Variants in LAMA2 observed in about 807,000 individuals in gnomAD.
The protein encoded by LAMA2 is laminin subunit alpha-2.
Under a neutral mutation model 364.8 loss-of-function variants are expected in LAMA2, and 269 were observed. That is an observed-to-expected ratio of 0.74 (90% confidence interval 0.67 to 0.82). LAMA2 has a LOEUF of 0.82. Among genes scored for constraint, LAMA2 ranks in the 40% least tolerant of loss-of-function variants. The probability of loss-of-function intolerance (pLI) is 0.00; values close to 1 mark genes in which losing one functional copy is unlikely to be tolerated. For synonymous variants in LAMA2, 1,379 were observed against 1,370.6 expected, an observed-to-expected ratio of 1.01 and a Z score of -0.14; for missense variants, 3,807 against 3,873.2, an observed-to-expected ratio of 0.98 and a Z score of 0.45.
intron 1 of LAMA2, among the ~76,000 whole-genome samples, chr6:128,943,168 A>T (rs565453421): frequency 6.6e-6 from 1 of 152,046 alleles, no homozygotes; most frequent in Non-Finnish European, 1.5e-5. Context: ...GTGTGTGTGT[A>T]TATATATAAA....
chr6:128,979,313 G>A (rs1014418634), intron 1 of LAMA2, among the ~76,000 whole-genome samples: 15 of 152,066 alleles, frequency 9.9e-5, no homozygotes, highest in Admixed American at 7.9e-4. Flanking sequence ...CAATGTCTCC[G>A]TTTGAACTAG....
At chr6:129,394,027 C>T (rs1779470582) in intron 37 of LAMA2, among the ~76,000 whole-genome samples, 1 of 152,192 alleles carries the variant, frequency 6.6e-6, no homozygotes, top group African/African-American at 2.4e-5. Flanking sequence ...AGAACTAAAA[C>T]AGATTCCTCC....
intron 1 of LAMA2, among the ~76,000 whole-genome samples, chr6:128,906,853 T>C (rs1335543533): frequency 6.6e-6 from 1 of 151,138 alleles, no homozygotes; most frequent in Non-Finnish European, 1.5e-5. Flanking sequence ...TTTCTACATA[T>C]GGCTAGCCAG....
chr6:129,081,018 T>A (rs6922430), intron 3 of LAMA2, among the ~76,000 whole-genome samples: 30,629 of 151,992 alleles, frequency 0.2, 4,462 homozygotes, highest in African/African-American at 0.41. Flanking sequence ...GATAGACTGG[T>A]TTAAGAAAAT....
At chr6:129,105,369 C>T (rs532430243) in intron 4 of LAMA2, among the ~76,000 whole-genome samples, 1 of 152,262 alleles carries the variant, frequency 6.6e-6, no homozygotes, top group Admixed American at 6.5e-5. Context: ...ACAAGAACTG[C>T]CACTTGGAAG....
chr6:129,184,080 T>C lies in LAMA2; in HGVS notation c.1468-6125T>C, dbSNP rs540587915. ...AGTATAACCATAAATACCTACTGGATTACTTTTTGTTGTTGTTTATATTGC... is the reference window on the plus strand; with the variant it reads ...AGTATAACCATAAATACCTACTGGACTACTTTTTGTTGTTGTTTATATTGC... On this transcript the variant is annotated intron_variant, in intron 10 of 64. Coordinates refer to ENST00000421865, the MANE Select transcript of LAMA2 (RefSeq NM_000426.4). Among the ~76,000 whole-genome samples the C allele has an allele frequency of 2.7e-4, 41 of 152,102 alleles. No homozygotes were observed. In the East Asian group the frequency reaches 7.7e-3, roughly 29 times the overall value.
At chr6:129,094,010 T>G (rs1028309307) in intron 3 of LAMA2, among the ~76,000 whole-genome samples, 4 of 152,194 alleles carry the variant, frequency 2.6e-5, no homozygotes, top group Non-Finnish European at 4.4e-5. Flanking sequence ...TTATAACTAC[T>G]GATTTTGAAG....
chr6:129,369,346 C>G (rs1382346093), intron 33 of LAMA2, among the ~76,000 whole-genome samples: 3 of 152,072 alleles, frequency 2.0e-5, no homozygotes, highest in Non-Finnish European at 4.4e-5. Context: ...TATTTATGTT[C>G]CATAGGAAAA....
chr6:129,222,777 A>G (rs1583284501), intron 12 of LAMA2, among the ~76,000 whole-genome samples: 1 of 152,088 alleles, frequency 6.6e-6, no homozygotes, highest in Non-Finnish European at 1.5e-5. Context: ...AGTCTTTGCT[A>G]TTATGAATAG....
chr6:128,950,343 T>C (rs1054729670), intron 1 of LAMA2, among the ~76,000 whole-genome samples: 1 of 151,658 alleles, frequency 6.6e-6, no homozygotes, highest in Non-Finnish European at 1.5e-5. Flanking sequence ...GAAAAGTGAG[T>C]AGTCTGGAAA....
intron 1 of LAMA2, among the ~76,000 whole-genome samples, chr6:128,911,266 C>T (rs904024109): frequency 1.3e-4 from 20 of 152,174 alleles, no homozygotes; most frequent in African/African-American, 4.8e-4. Flanking sequence ...TGATCTCAGA[C>T]TGCTGTGCTA....
At chr6:129,166,947 T>A (rs1583171402) in intron 9 of LAMA2, among the ~76,000 whole-genome samples, 1 of 152,194 alleles carries the variant, frequency 6.6e-6, no homozygotes, top group South Asian at 2.1e-4. Context: ...CAACTTTATA[T>A]GGACATTAAG....
chr6:129,383,006 A>T, intron 34 of LAMA2, 116 bp from the exon 35 acceptor site: 1 of 777,822 alleles, frequency 1.3e-6, no homozygotes, highest in Non-Finnish European at 2.2e-6. Flanking sequence ...TCAATAATTC[A>T]TCGATTGCCG....
At chr6:129,314,175 C>T (rs1380681768) in intron 23 of LAMA2, among the ~76,000 whole-genome samples, 1 of 151,872 alleles carries the variant, frequency 6.6e-6, no homozygotes, top group Admixed American at 6.6e-5. Context: ...CCGAGGCGGG[C>T]GGATCACGAG....
intron 1 of LAMA2, among the ~76,000 whole-genome samples, chr6:128,959,270 A>G (rs1380223814): frequency 6.6e-6 from 1 of 152,164 alleles, no homozygotes; most frequent in Non-Finnish European, 1.5e-5. Context: ...TTTGTGTTTC[A>G]TTGTTAAGAA....
chr6:129,051,203 T>G (rs1038964769), intron 2 of LAMA2, among the ~76,000 whole-genome samples: 1 of 146,818 alleles, frequency 6.8e-6, no homozygotes, highest in African/African-American at 2.5e-5. Context: ...AATATATATA[T>G]AAAATATATA....
chr6:129,362,651 C>A (rs759889256), intron 32 of LAMA2, among the ~76,000 whole-genome samples: 14 of 152,080 alleles, frequency 9.2e-5, no homozygotes, highest in Non-Finnish European at 1.8e-4. Context: ...CCTTCTTTAA[C>A]GAGGAAGAAA....
intron 41 of LAMA2, among the ~76,000 whole-genome samples, chr6:129,434,141 A>G (rs765277361): frequency 2.0e-5 from 3 of 152,202 alleles, no homozygotes; most frequent in Non-Finnish European, 4.4e-5. Flanking sequence ...TCATGTCAGA[A>G]ACATGATAAA....
At chr6:129,500,065 T>C (rs565551680) in intron 58 of LAMA2, among the ~76,000 whole-genome samples, 8 of 151,892 alleles carry the variant, frequency 5.3e-5, no homozygotes, top group Admixed American at 3.3e-4. Flanking sequence ...CTTACACCCA[T>C]CAGACTTGGT....
Sources: gnomAD v4.1 joint callset for allele counts (sites outside exome capture counted in the v4.1 genomes callset) on GRCh38, gnomAD v4.1.1 for gene constraint, MANE v1.5 for transcripts, NCBI Gene and HGNC (gene_info 2026-07-23, HGNC 2026-07-21) for gene names.